Variants in ADAM10 observed in about 807,000 individuals in gnomAD.
ADAM10 encodes ADAM metallopeptidase domain 10.
In ADAM10, 17 loss-of-function variants were observed where a neutral mutation model predicts 90.1. The observed-to-expected ratio is 0.19, with a 90% CI of 0.13 to 0.28. The LOEUF (loss-of-function observed/expected upper bound fraction) is 0.28, where lower values mean the gene tolerates loss of function less well. Ranked by LOEUF, ADAM10 falls within the 10% of genes least tolerant of loss-of-function variation. The probability of loss-of-function intolerance (pLI) is 1.00; values close to 1 mark genes in which losing one functional copy is unlikely to be tolerated. For missense variants in ADAM10, 610 were observed against 914.3 expected (o/e 0.67, Z 4.29); for synonymous variants, 310 against 298.6 (o/e 1.04, Z -0.40).
rs61739344 is a variant in ADAM10 at position 58,686,412 on chromosome 15, T to C, written c.207-4098A>G. On this transcript the variant is annotated intron_variant, in intron 2 of 15. Coordinates refer to ENST00000260408, the MANE Select transcript of ADAM10 (RefSeq NM_001110.4). The stretch of plus-strand genomic sequence containing the variant: ...CCCTCGGAGCCCAGCGCCGCCACCA[T>C]GTCCTCTGGGGCTAGCGCGAGCGCC... 1,999 of 1,255,540 alleles carry C rather than the reference T, an allele frequency of 1.6e-3. 12 individuals carry two copies. The highest frequency in any genetic ancestry group is 0.015 in the African/African-American group (1,026 of 67,518). The allele number at this position is 1,255,540 out of a possible 1,614,324, so 77.8% of individuals were successfully genotyped here.
intron 1 of ADAM10, among the ~76,000 whole-genome samples, chr15:58,736,728 T>G (rs1899442513): frequency 1.3e-5 from 2 of 151,952 alleles, no homozygotes; most frequent in Non-Finnish European, 2.9e-5. Context: ...AGTATAAAAA[T>G]TTTCAAGAAT....
intron 8 of ADAM10, among the ~76,000 whole-genome samples, chr15:58,637,483 G>C (rs549293303): frequency 6.6e-6 from 1 of 152,274 alleles, no homozygotes; most frequent in Admixed American, 6.5e-5. Flanking sequence ...CAAGAATCCT[G>C]TCTCCCAGCT....
intron 11 of ADAM10, among the ~76,000 whole-genome samples, chr15:58,619,600 G>T (rs1289491869): frequency 6.6e-6 from 1 of 151,986 alleles, no homozygotes; most frequent in South Asian, 2.1e-4. Flanking sequence ...CAATCATTAT[G>T]TATCAATTAA....
intron 8 of ADAM10, among the ~76,000 whole-genome samples, chr15:58,635,979 T>C (rs1192582592): frequency 6.6e-6 from 1 of 152,154 alleles, no homozygotes; most frequent in East Asian, 1.9e-4. Flanking sequence ...TTATCGCTTA[T>C]ATGAAAGTTT....
At chr15:58,700,212 T>C (rs1482550949) in intron 2 of ADAM10, among the ~76,000 whole-genome samples, 3 of 152,190 alleles carry the variant, frequency 2.0e-5, no homozygotes, top group African/African-American at 7.2e-5. Context: ...AAAGAATCAT[T>C]GGATTTAAAC....
At chr15:58,707,020 AAAAAG>A (rs1163784887) in intron 2 of ADAM10, among the ~76,000 whole-genome samples, 7 of 150,088 alleles carry the variant, frequency 4.7e-5, no homozygotes, top group African/African-American at 9.7e-5. Context: ...AAAAAAAAAA[AAAAAG>A]AAAAGAAAAG....
intron 5 of ADAM10, among the ~76,000 whole-genome samples, chr15:58,658,316 A>G (rs1294011344): frequency 1.3e-5 from 2 of 152,164 alleles, no homozygotes; most frequent in African/African-American, 2.4e-5. Flanking sequence ...GCAAAAATCA[A>G]CTGACCATGT....
intron 5 of ADAM10, among the ~76,000 whole-genome samples, chr15:58,656,937 G>A (rs1296534076): frequency 2.6e-5 from 4 of 151,980 alleles, no homozygotes; most frequent in African/African-American, 9.7e-5. Flanking sequence ...TTTCTCCTTC[G>A]TGTTTGAAGG....
Position 58,610,362 on chromosome 15 carries a change from G to A in ADAM10, c.1960C>T (p.Leu654=), listed in dbSNP as rs1474256653. 3 of 1,614,024 alleles carry A rather than the reference G, an allele frequency of 1.9e-6. No homozygotes were observed. The highest frequency in any genetic ancestry group is 2.5e-6 in the Non-Finnish European group (3 of 1,180,038). Residue 654 remains leucine (L), a synonymous_variant, in exon 14 of 16, where the codon CTA becomes TTA. Transcript: ENST00000260408. ...AAAATTGCTTTTTTAAGCCTAGCTAGAGGACCATCAGCATCTACTAATCTG... is the reference window on the plus strand; with the variant it reads ...AAAATTGCTTTTTTAAGCCTAGCTAAAGGACCATCAGCATCTACTAATCTG... ...RCRLVDADGP[L]ARLKKAIFSP...
At chr15:58,704,659 T>C (rs1276875979) in intron 2 of ADAM10, among the ~76,000 whole-genome samples, 4 of 152,218 alleles carry the variant, frequency 2.6e-5, no homozygotes, top group African/African-American at 4.8e-5. Context: ...AGGGATTTGG[T>C]TGGGAAGATG....
At chr15:58,741,271 G>T (rs1000290112) in intron 1 of ADAM10, among the ~76,000 whole-genome samples, 2 of 152,108 alleles carry the variant, frequency 1.3e-5, no homozygotes, top group Non-Finnish European at 2.9e-5. Flanking sequence ...TAGTTCACAT[G>T]AAATCAAGAG....
intron 1 of ADAM10, among the ~76,000 whole-genome samples, chr15:58,745,076 T>C (rs1008037467): frequency 2.0e-5 from 3 of 152,098 alleles, no homozygotes; most frequent in Non-Finnish European, 4.4e-5. Flanking sequence ...CTAGCTACTC[T>C]GGAGGCTGAG....
At position 58,667,175 on chromosome 15, in the gene ADAM10, T is replaced by C. The variant is rs560131552; in HGVS notation, c.485-1978A>G. Among the ~76,000 whole-genome samples the C allele has an allele frequency of 4.6e-5, 7 of 152,316 alleles. No individual in the cohort carries two copies. The South Asian group carries it at 1.4e-3, about 32-fold the overall frequency. Reference sequence around the variant, plus strand: ...TCATGGGTGTAGAATATTCGGCCTATTTAAAACAAAGATCAGCTTTAGATC... The same window carrying C: ...TCATGGGTGTAGAATATTCGGCCTACTTAAAACAAAGATCAGCTTTAGATC... On this transcript the variant is annotated intron_variant, in intron 4 of 15. Transcript: ENST00000260408.
chr15:58,730,074 CA>C (rs1227172202), intron 1 of ADAM10, among the ~76,000 whole-genome samples: 3 of 151,694 alleles, frequency 2.0e-5, no homozygotes, highest in Non-Finnish European at 4.4e-5. Context: ...CAAATATTCC[CA>C]AAATCGGAAA....
chr15:58,692,659 A>C (rs759441735), intron 2 of ADAM10: 14 of 560,696 alleles, frequency 2.5e-5, no homozygotes, highest in Non-Finnish European at 5.0e-5. Flanking sequence ...GTGAAGGATC[A>C]CTTTGGTATC....
chr15:58,677,883 C>T (rs1208544407), intron 4 of ADAM10, among the ~76,000 whole-genome samples: 2 of 152,100 alleles, frequency 1.3e-5, no homozygotes, highest in Non-Finnish European at 2.9e-5. Context: ...ACCTGAAGAA[C>T]TTACATACCC....
At chr15:58,676,302 T>C in intron 4 of ADAM10, 1 of 455,714 alleles carries the variant, frequency 2.2e-6, no homozygotes, top group South Asian at 1.6e-5. Context: ...ACCTATAAAG[T>C]GGGAATAATA....
At chr15:58,686,600 T>G in intron 2 of ADAM10, 1 of 1,031,608 alleles carries the variant, frequency 9.7e-7, no homozygotes, top group Non-Finnish European at 1.5e-6. Context: ...GGAACCCAGA[T>G]CCTGTGCTTT....
chr15:58,597,660 A>G lies in ADAM10; in HGVS notation c.2153-19T>C. The G allele has an allele frequency of 3.7e-6, 6 of 1,613,554 alleles. No homozygotes were observed. Among genetic ancestry groups the G allele is most frequent in the Non-Finnish European group, 5.1e-6 (6 of 1,179,818 alleles). ...AAAGTGCCTGTGAGCCACAAATAAA[A>G]GCAAAGCAGATTTATTTATCATGAG... On this transcript the variant is annotated intron_variant, in intron 15 of 15. Transcript: ENST00000260408.
Sources: gnomAD v4.1 joint callset for allele counts (sites outside exome capture counted in the v4.1 genomes callset) on GRCh38, gnomAD v4.1.1 for gene constraint, MANE v1.5 for transcripts, NCBI Gene and HGNC (gene_info 2026-07-23, HGNC 2026-07-21) for gene names.